The following KIAA1958 variants were observed in gnomAD, a reference collection of about 807,000 sequenced individuals.
KIAA1958 encodes uncharacterized protein KIAA1958.
KIAA1958 carries 14 observed loss-of-function variants against 47.2 expected under a neutral mutation model. That is an observed-to-expected ratio of 0.30 (90% CI 0.20 to 0.46). The LOEUF (loss-of-function observed/expected upper bound fraction) is 0.46, where lower values mean the gene tolerates loss of function less well. KIAA1958 is among the 20% of genes least tolerant of loss of function. The probability of loss-of-function intolerance (pLI) is 1.00; values close to 1 mark genes in which losing one functional copy is unlikely to be tolerated. For synonymous variants in KIAA1958, 354 were observed against 353.3 expected, an observed-to-expected ratio of 1.00 and a Z score of -0.02; for missense variants, 803 against 909.2, an observed-to-expected ratio of 0.88 and a Z score of 1.50.
At chr9:112,638,247 A>G (rs533149935) in intron 2 of KIAA1958, among the ~76,000 whole-genome samples, 1 of 152,274 alleles carries the variant, frequency 6.6e-6, no homozygotes, top group South Asian at 2.1e-4. Context: ...GATCACACCT[A>G]TAATGTCAGG....
intron 3 of KIAA1958, among the ~76,000 whole-genome samples, chr9:112,650,272 G>A (rs1837035395): frequency 6.6e-6 from 1 of 152,138 alleles, no homozygotes; most frequent in South Asian, 2.1e-4. Flanking sequence ...TCTTCAGGCA[G>A]AAGCAAAATT....
intron 2 of KIAA1958, among the ~76,000 whole-genome samples, chr9:112,594,070 G>T (rs751217266): frequency 6.6e-6 from 1 of 152,032 alleles, no homozygotes; most frequent in Non-Finnish European, 1.5e-5. Context: ...TCACTACATT[G>T]CCCCAGCTGG....
intron 3 of KIAA1958, among the ~76,000 whole-genome samples, chr9:112,655,312 A>G (rs1837130362): frequency 6.6e-6 from 1 of 152,216 alleles, no homozygotes; most frequent in Admixed American, 6.5e-5. Flanking sequence ...AACACTTCCC[A>G]TGATGCCCAC....
intron 1 of KIAA1958, among the ~76,000 whole-genome samples, chr9:112,555,834 G>A (rs1835229721): frequency 6.6e-6 from 1 of 152,108 alleles, no homozygotes; most frequent in Admixed American, 6.5e-5. Flanking sequence ...TAGCACTTTG[G>A]GAGGCCAAGG....
intron 2 of KIAA1958, among the ~76,000 whole-genome samples, chr9:112,577,532 CTT>C (rs369144296): frequency 1.8e-3 from 264 of 142,918 alleles, no homozygotes; most frequent in Middle Eastern, 7.3e-3. Flanking sequence ...TCCTGCCCCC[CTT>C]TTTTTTTTTT....
At chr9:112,650,741 A>G (rs2131247375) in intron 3 of KIAA1958, among the ~76,000 whole-genome samples, 1 of 152,316 alleles carries the variant, frequency 6.6e-6, no homozygotes, top group Admixed American at 6.5e-5. Context: ...AAAGAGAGAT[A>G]CTGTCGGACT....
Position 112,522,934 on chromosome 9 carries a change from A to T in KIAA1958, c.-25+35816A>T, listed in dbSNP as rs191888365. On this transcript the variant is annotated intron_variant, in intron 1 of 3. Transcript: ENST00000337530. Reference sequence around the variant, plus strand: ...AGGTGAAGTAGAAATTTGAATCCACATGGCCCAGATTGCTTTTAGAATGGA... The same window carrying T: ...AGGTGAAGTAGAAATTTGAATCCACTTGGCCCAGATTGCTTTTAGAATGGA... Among the ~76,000 whole-genome samples the T allele has an allele frequency of 2.6e-5, 4 of 152,298 alleles. No individual in the cohort carries two copies. In the East Asian group the frequency reaches 7.7e-4, roughly 29 times the overall value.
intron 1 of KIAA1958, among the ~76,000 whole-genome samples, chr9:112,570,557 T>C (rs1175130064): frequency 6.6e-6 from 1 of 152,224 alleles, no homozygotes; most frequent in Non-Finnish European, 1.5e-5. Flanking sequence ...CTTTTATCTT[T>C]CACCATTTAG....
chr9:112,525,523 A>G (rs1054757826), intron 1 of KIAA1958, among the ~76,000 whole-genome samples: 3 of 152,354 alleles, frequency 2.0e-5, no homozygotes, highest in Admixed American at 6.5e-5. Flanking sequence ...GGGGACCACC[A>G]GTGGTCTGTT....
intron 1 of KIAA1958, among the ~76,000 whole-genome samples, chr9:112,509,316 C>G (rs763251717): frequency 4.0e-5 from 6 of 151,782 alleles, no homozygotes; most frequent in Admixed American, 1.3e-4. Context: ...TTCTCCTGCC[C>G]CAGCCTCCCA....
intron 1 of KIAA1958, among the ~76,000 whole-genome samples, chr9:112,554,571 T>C (rs1410779284): frequency 6.6e-6 from 1 of 152,172 alleles, no homozygotes; most frequent in Non-Finnish European, 1.5e-5. Context: ...TTAATTATAA[T>C]ATATCCATCA....
intron 1 of KIAA1958, among the ~76,000 whole-genome samples, chr9:112,543,637 A>G (rs1389163405): frequency 7.1e-6 from 1 of 141,452 alleles, no homozygotes; most frequent in Non-Finnish European, 1.5e-5. Flanking sequence ...CAGTGGCATG[A>G]TCTCGGCTCA....
At chr9:112,649,482 A>G (rs1837025816) in intron 3 of KIAA1958, among the ~76,000 whole-genome samples, 1 of 152,160 alleles carries the variant, frequency 6.6e-6, no homozygotes, top group African/African-American at 2.4e-5. Context: ...AAATAATCAG[A>G]ACATTACTGA....
At chr9:112,526,407 C>T (rs1834652774) in intron 1 of KIAA1958, among the ~76,000 whole-genome samples, 1 of 152,024 alleles carries the variant, frequency 6.6e-6, no homozygotes, top group Non-Finnish European at 1.5e-5. Context: ...GTGTGCACCA[C>T]CACGCCCAGC....
rs147206755 is a variant in KIAA1958, at chr9:112,570,775, G to C, written c.-24-3282G>C. 3.1e-3 allele frequency among the ~76,000 whole-genome samples: 474 copies of C among 152,302 alleles called. 2 individuals carry two copies. The highest frequency in any genetic ancestry group is 5.0e-3 in the Non-Finnish European group (340 of 68,024). ...GCATTTATTAGGGGAATTGGCTCAT[G>C]CGATTATGTGGCTGAGAAGTCTTAC... On this transcript the variant is annotated intron_variant, in intron 1 of 3. Transcript: ENST00000337530.
chr9:112,499,692 T>C (rs1042190432), intron 1 of KIAA1958, among the ~76,000 whole-genome samples: 6 of 148,386 alleles, frequency 4.0e-5, no homozygotes, highest in Middle Eastern at 3.4e-3. Flanking sequence ...TTTTTTCTTT[T>C]TTTTTTTTTT....
intron 2 of KIAA1958, among the ~76,000 whole-genome samples, chr9:112,632,808 A>C (rs541139816): frequency 6.6e-6 from 1 of 151,896 alleles, no homozygotes; most frequent in South Asian, 2.1e-4. Flanking sequence ...TTCGCATGTA[A>C]TCATCTATAT....
At chr9:112,607,749 CAA>C (rs367932637) in intron 2 of KIAA1958, among the ~76,000 whole-genome samples, 6 of 118,868 alleles carry the variant, frequency 5.0e-5, no homozygotes, top group Admixed American at 9.1e-5. Context: ...ATATCCAAGA[CAA>C]AAAAAAAAAA....
At chr9:112,492,255 T>C (rs1025506017) in intron 1 of KIAA1958, among the ~76,000 whole-genome samples, 7 of 152,190 alleles carry the variant, frequency 4.6e-5, no homozygotes, top group Non-Finnish European at 7.4e-5. Flanking sequence ...CTAAGGCCCC[T>C]CTCTTGGCTG....
Sources: gnomAD v4.1 joint callset for allele counts (sites outside exome capture counted in the v4.1 genomes callset) on GRCh38, gnomAD v4.1.1 for gene constraint, MANE v1.5 for transcripts, NCBI Gene and HGNC (gene_info 2026-07-23, HGNC 2026-07-21) for gene names.